Variants in ELAVL1 observed in about 807,000 individuals in gnomAD.
ELAVL1 encodes the protein ELAV-like protein 1.
A neutral mutation model predicts 28.4 loss-of-function variants in ELAVL1; 1 was observed. The observed-to-expected ratio is 0.04, with a 90% confidence interval of 0.01 to 0.17. The LOEUF (loss-of-function observed/expected upper bound fraction) is 0.17, where lower values mean the gene tolerates loss of function less well. Among genes scored for constraint, ELAVL1 ranks in the 10% least tolerant of loss-of-function variants. The probability of loss-of-function intolerance (pLI) is 1.00; values close to 1 mark genes in which losing one functional copy is unlikely to be tolerated. For missense variants in ELAVL1, 157 were observed against 447.2 expected (o/e 0.35, Z 5.85); for synonymous variants, 174 against 183.5 (o/e 0.95, Z 0.42).
At chr19:7,997,442 C>A (rs1205284531) in intron 1 of ELAVL1, among the ~76,000 whole-genome samples, 1 of 152,100 alleles carries the variant, frequency 6.6e-6, no homozygotes, top group Non-Finnish European at 1.5e-5. Context: ...CTGGAAAAGG[C>A]AAAACCATAG....
intron 3 of ELAVL1, among the ~76,000 whole-genome samples, chr19:7,977,453 T>C (rs1234996559): frequency 1.3e-5 from 2 of 152,204 alleles, no homozygotes; most frequent in African/African-American, 2.4e-5. Flanking sequence ...ATGGAAGGTC[T>C]GGCCCCGTCA....
intron 1 of ELAVL1, among the ~76,000 whole-genome samples, chr19:7,996,713 T>C (rs1443303620): frequency 6.6e-6 from 1 of 151,578 alleles, no homozygotes; most frequent in Non-Finnish European, 1.5e-5. Flanking sequence ...CTGGGGAGGC[T>C]GAGGCAGGAG....
intron 1 of ELAVL1, among the ~76,000 whole-genome samples, chr19:8,000,832 G>A (rs1199727638): frequency 6.6e-6 from 1 of 152,254 alleles, no homozygotes; most frequent in Non-Finnish European, 1.5e-5. Context: ...GAAGCCCGGG[G>A]CAGGAGCAGG....
At chr19:7,995,570 C>G (rs2145226309) in intron 1 of ELAVL1, among the ~76,000 whole-genome samples, 1 of 152,276 alleles carries the variant, frequency 6.6e-6, no homozygotes, top group Admixed American at 6.5e-5. Context: ...TATTGTCTGT[C>G]TATAGATAGT....
At chr19:8,001,954 C>A in intron 1 of ELAVL1, 1 of 1,017,264 alleles carries the variant, frequency 9.8e-7, no homozygotes, top group Non-Finnish European at 1.3e-6. Context: ...CACCTCAGTA[C>A]TGCAACAGCC....
chr19:7,985,915 C>A (rs1985589557), intron 2 of ELAVL1, among the ~76,000 whole-genome samples: 1 of 152,210 alleles, frequency 6.6e-6, no homozygotes, highest in Non-Finnish European at 1.5e-5. Context: ...GATGCTGCTG[C>A]TGGCCCAGGG....
At chr19:7,996,496 CTTTTT>C in intron 1 of ELAVL1, among the ~76,000 whole-genome samples, 1 of 149,408 alleles carries the variant, frequency 6.7e-6, no homozygotes, top group Non-Finnish European at 1.5e-5. Flanking sequence ...GCCCAGAACA[CTTTTT>C]TTTAAGCTCT....
At chr19:7,996,882 T>C (rs1278453103) in intron 1 of ELAVL1, among the ~76,000 whole-genome samples, 1 of 152,176 alleles carries the variant, frequency 6.6e-6, no homozygotes, top group Non-Finnish European at 1.5e-5. Flanking sequence ...GAACAGATAC[T>C]ATACCAAAGA....
intron 2 of ELAVL1, among the ~76,000 whole-genome samples, chr19:7,990,914 G>C (rs941939194): frequency 6.6e-6 from 1 of 152,268 alleles, no homozygotes; most frequent in East Asian, 1.9e-4. Flanking sequence ...CAGAATGGAG[G>C]CCACTCTGTA....
chr19:7,969,243 C>T (rs1486321752), intron 4 of ELAVL1, among the ~76,000 whole-genome samples: 2 of 152,180 alleles, frequency 1.3e-5, no homozygotes, highest in Non-Finnish European at 1.5e-5. Flanking sequence ...TGTCTTAAGT[C>T]AGGTTTCTTC....
chr19:7,984,238 G>A (rs1396876533), intron 2 of ELAVL1, among the ~76,000 whole-genome samples: 2 of 152,190 alleles, frequency 1.3e-5, no homozygotes, highest in East Asian at 3.9e-4. Context: ...GGGAGTTAGT[G>A]ATGCATGACA....
rs888749338 is a variant in ELAVL1 at position 7,985,484 on chromosome 19, A to C, written c.173-4298T>G. ...GGGAATCCACATCCCCAAACTCCTT[A>C]CAGATGCTCCTCCTGCCCACCAGTG... On this transcript the variant is annotated intron_variant, in intron 2 of 5. Transcript: ENST00000407627. Among the ~76,000 whole-genome samples, 12 of 152,332 alleles carry C rather than the reference A, an allele frequency of 7.9e-5. 1 individual carries two copies. In the South Asian group the frequency reaches 1.5e-3, roughly 18 times the overall value.
At chr19:7,977,817 G>A (rs1985341912) in intron 3 of ELAVL1, among the ~76,000 whole-genome samples, 2 of 152,266 alleles carry the variant, frequency 1.3e-5, no homozygotes, top group African/African-American at 4.8e-5. Context: ...AGGAGGCCCT[G>A]CCTGCAAGGG....
At chr19:7,988,368 G>GT (rs1275417911) in intron 2 of ELAVL1, among the ~76,000 whole-genome samples, 14 of 152,194 alleles carry the variant, frequency 9.2e-5, no homozygotes, top group African/African-American at 9.7e-5. Context: ...TCTGCCCACC[G>GT]TGAGTGTCAG....
At chr19:7,999,497 T>C (rs2081060337) in intron 1 of ELAVL1, among the ~76,000 whole-genome samples, 1 of 152,230 alleles carries the variant, frequency 6.6e-6, no homozygotes, top group South Asian at 2.1e-4. Flanking sequence ...ATTATTTGCC[T>C]TACACTCAAT....
chr19:7,974,575 G>A (rs1443471910), intron 3 of ELAVL1, among the ~76,000 whole-genome samples: 1 of 152,150 alleles, frequency 6.6e-6, no homozygotes. Flanking sequence ...CGGCCGTGCA[G>A]ACCCCATGGG....
At chr19:7,989,541 T>C (rs1001728306) in intron 2 of ELAVL1, among the ~76,000 whole-genome samples, 6 of 152,236 alleles carry the variant, frequency 3.9e-5, no homozygotes. Context: ...AGAAGTCAGG[T>C]TGCAGGAGAA....
chr19:7,971,158 A>C (rs1985100383), intron 4 of ELAVL1, among the ~76,000 whole-genome samples: 1 of 152,196 alleles, frequency 6.6e-6, no homozygotes, highest in African/African-American at 2.4e-5. Context: ...CCTGGGAGAC[A>C]CTATCTTGCA....
At chr19:7,980,849 G>A (rs1283974876) in intron 3 of ELAVL1, among the ~76,000 whole-genome samples, 1 of 152,142 alleles carries the variant, frequency 6.6e-6, no homozygotes, top group Non-Finnish European at 1.5e-5. Flanking sequence ...CAGGAGAGAC[G>A]ACAGGGGAGG....
Sources: allele counts gnomAD v4.1 joint callset (sites outside exome capture counted in the v4.1 genomes callset), GRCh38; gene constraint gnomAD v4.1.1; transcripts MANE v1.5; gene names NCBI Gene and HGNC (gene_info 2026-07-23, HGNC 2026-07-21).